INSR: variants seen among roughly 807,000 people sequenced by gnomAD.
INSR encodes the protein insulin receptor, also known as IR.
Under a neutral mutation model 142.6 loss-of-function variants are expected in INSR, and 67 were observed. The ratio of observed to expected loss-of-function variants is 0.47; its 90% CI spans 0.39 to 0.58. INSR has a LOEUF of 0.58. Among genes scored for constraint, INSR ranks in the 20% least tolerant of loss-of-function variants. The probability of loss-of-function intolerance (pLI) is 0.00; values close to 1 mark genes in which losing one functional copy is unlikely to be tolerated. For synonymous variants in INSR, 756 were observed against 743.1 expected (o/e 1.02, Z -0.28); for missense variants, 1,248 against 1,833.2 (o/e 0.68, Z 5.83).
In INSR at chr19:7,293,863, G is replaced by A. The variant is rs1183440326; in HGVS notation, c.29C>T (p.Ala10Val). 2 of 1,239,700 alleles carry A rather than the reference G, an allele frequency of 1.6e-6. No homozygotes were observed. Among genetic ancestry groups the A allele is most frequent in the Non-Finnish European group, 2.0e-6 (2 of 997,976 alleles). 76.8% of individuals were successfully genotyped at this position (1,239,700 alleles called of 1,614,324 possible). A position where few individuals can be genotyped will look rare whatever the true frequency, so the allele number is the denominator to read the frequency against. MATGGRRGA[A>V]AAPLLVAVAA... is the part of the protein sequence containing the mutation. ...CACCGCCACCAGCAGCGGCGCGGCC[G>A]CCGCCCCCCGCCGGCCCCCGGTGGC... The change falls in exon 1 of 22, where the codon GCG (alanine) becomes GTG (valine). Residue 10 changes from alanine to valine, a missense_variant. By Grantham distance (64) the Ala-to-Val change is moderately conservative. Transcript: ENST00000302850.
intron 2 of INSR, among the ~76,000 whole-genome samples, chr19:7,256,317 T>C (rs1976890167): frequency 6.6e-6 from 1 of 151,764 alleles, no homozygotes; most frequent in South Asian, 2.1e-4. Context: ...GGTGTGGTGG[T>C]GGGCGCCTGT....
chr19:7,148,671 T>C (rs1418105284), intron 11 of INSR, among the ~76,000 whole-genome samples: 1 of 148,434 alleles, frequency 6.7e-6, no homozygotes, highest in Non-Finnish European at 1.5e-5. Flanking sequence ...AGTAACGGGG[T>C]TTCACCATCT....
At chr19:7,224,815 T>G (rs1975730690) in intron 2 of INSR, among the ~76,000 whole-genome samples, 1 of 151,228 alleles carries the variant, frequency 6.6e-6, no homozygotes, top group African/African-American at 2.4e-5. Flanking sequence ...AGGGCCCTTT[T>G]CACAGAGACC....
chr19:7,280,628 A>T (rs921011151), intron 1 of INSR, among the ~76,000 whole-genome samples: 3 of 151,998 alleles, frequency 2.0e-5, no homozygotes, highest in African/African-American at 7.2e-5. Flanking sequence ...GAGGCAGGAG[A>T]ATCGCCTGAA....
At chr19:7,196,069 G>C (rs1974740564) in intron 2 of INSR, among the ~76,000 whole-genome samples, 1 of 152,012 alleles carries the variant, frequency 6.6e-6, no homozygotes, top group African/African-American at 2.4e-5. Context: ...CCGAGTAGCT[G>C]GGATTACAGG....
chr19:7,281,652 G>C (rs774511930), intron 1 of INSR, among the ~76,000 whole-genome samples: 6 of 152,136 alleles, frequency 3.9e-5, no homozygotes, highest in African/African-American at 7.2e-5. Flanking sequence ...CCGCACTCCA[G>C]CCGGGATGAC....
chr19:7,132,262 A>G lies in INSR; in HGVS notation c.2738T>C (p.Leu913Pro). 6.2e-7 allele frequency: 1 copy of G among 1,614,208 alleles called. No individual in the cohort carries two copies. The highest frequency in any genetic ancestry group is 8.5e-7 in the Non-Finnish European group (1 of 1,180,036). Residue 913 changes from leucine to proline, a missense_variant, in exon 14 of 22, where the codon CTG becomes CCG. Leu to Pro is a moderately conservative substitution (Grantham distance 98). Around this residue, in one of 3 missense-constraint regions of INSR, gnomAD observed 1,069 missense variants for 1,654.0 expected, o/e 0.65. Transcript: ENST00000302850. ...GTAGTTCCCCGGTGACAGCCCACGC[A>G]GCCTGCAGCCCCGTTCCAGAGCGAA... Reference protein sequence around the residue: ...KHFALERGCRLRGLSPGNYSV... With the variant: ...KHFALERGCRPRGLSPGNYSV...
chr19:7,122,427 A>G, intron 19 of INSR, 187 bp downstream of exon 19: 3 of 625,376 alleles, frequency 4.8e-6, no homozygotes. Flanking sequence ...TGGGCAACAG[A>G]CAGAGTAAGA....
rs138733954 is a variant in INSR, at chr19:7,270,317, T to C, written c.101-2421A>G. 1.4e-3 allele frequency among the ~76,000 whole-genome samples: 123 copies of C among 89,512 alleles called. 1 individual carries two copies. The East Asian group carries it at 0.065, about 47-fold the overall frequency. The allele number at this position is 89,512 out of a possible 152,430, so 58.7% of individuals were successfully genotyped here. A position where few individuals can be genotyped will look rare whatever the true frequency, so the allele number is the denominator to read the frequency against. ...CCTGAGTCCCACACTATATTTCATTTCTCTCTCTCTCTCTCTCTCTCTCAC... is the reference window on the plus strand; with the variant it reads ...CCTGAGTCCCACACTATATTTCATTCCTCTCTCTCTCTCTCTCTCTCTCAC... On this transcript the variant is annotated intron_variant, in intron 1 of 21. Coordinates refer to ENST00000302850, the MANE Select transcript of INSR (RefSeq NM_000208.4).
At chr19:7,188,542 T>A (rs919870181) in intron 2 of INSR, among the ~76,000 whole-genome samples, 1 of 74,446 alleles carries the variant, frequency 1.3e-5, no homozygotes, top group Non-Finnish European at 2.7e-5. Context: ...AGAGTGAGAC[T>A]CCGTCCAAAA....
chr19:7,147,364 G>A (rs1174530120), intron 11 of INSR, among the ~76,000 whole-genome samples: 3 of 151,992 alleles, frequency 2.0e-5, no homozygotes, highest in East Asian at 3.9e-4. Context: ...TAGTAGAGAA[G>A]GGGTTTCACC....
intron 1 of INSR, among the ~76,000 whole-genome samples, chr19:7,282,680 A>AAAT (rs929195129): frequency 6.8e-6 from 1 of 147,194 alleles, no homozygotes; most frequent in Non-Finnish European, 1.5e-5. Context: ...AGACTGCTCA[A>AAAT]AATAATAATA....
At chr19:7,235,101 G>C (rs1264185434) in intron 2 of INSR, among the ~76,000 whole-genome samples, 1 of 151,826 alleles carries the variant, frequency 6.6e-6, no homozygotes, top group Non-Finnish European at 1.5e-5. Context: ...AAAAATTTCT[G>C]GAAATAGACT....
intron 2 of INSR, among the ~76,000 whole-genome samples, chr19:7,201,640 A>G (rs1974956373): frequency 6.7e-6 from 1 of 150,278 alleles, no homozygotes; most frequent in African/African-American, 2.5e-5. Context: ...ATCAATCAAT[A>G]ATAAATAAAT....
At position 7,256,931 on chromosome 19, in the gene INSR, C is replaced by CTT. The variant is rs772500676; in HGVS notation, c.652+10412_652+10413dup. ...ATTCACGTTACATGCTCTACCCTAC[C>CTT]TTTTTTTTTTTTTTTTTTTTTCTTT... On this transcript the variant is annotated intron_variant, in intron 2 of 21. Transcript: ENST00000302850. 4.2e-4 allele frequency among the ~76,000 whole-genome samples: 46 copies of CTT among 109,480 alleles called. 3 individuals carry two copies. Among genetic ancestry groups the CTT allele is most frequent in the African/African-American group, 5.9e-4 (17 of 28,824 alleles). 71.8% of individuals were successfully genotyped at this position (109,480 alleles called of 152,430 possible).
chr19:7,229,839 C>T (rs117190124), intron 2 of INSR, among the ~76,000 whole-genome samples: 4,713 of 146,730 alleles, frequency 0.032, 99 homozygotes, highest in Middle Eastern at 0.1. Context: ...AGTCATGGCT[C>T]ACTGCAGCCT....
chr19:7,250,367 G>A lies in INSR; in HGVS notation c.652+16978C>T, dbSNP rs893348090. The stretch of plus-strand genomic sequence containing the variant: ...GAGGAGGGAGAAAGGGAAAGAGGAA[G>A]GAGGAGGGAGAGAGGAAGGGAGAGA... On this transcript the variant is annotated intron_variant, in intron 2 of 21. Transcript: ENST00000302850. 3.6e-5 allele frequency among the ~76,000 whole-genome samples: 5 copies of A among 138,466 alleles called. No individual in the cohort carries two copies. The South Asian group carries it at 9.3e-4, about 26-fold the overall frequency. The allele number at this position is 138,466 out of a possible 152,430, so 90.8% of individuals were successfully genotyped here.
At chr19:7,250,099 CTGTTAGCTA>C (rs1976664500) in intron 2 of INSR, among the ~76,000 whole-genome samples, 1 of 151,584 alleles carries the variant, frequency 6.6e-6, no homozygotes, top group Non-Finnish European at 1.5e-5. Context: ...TTCCAGACTG[CTGTTAGCTA>C]TGATCATGCT....
At chr19:7,181,544 C>T (rs1340689757) in intron 3 of INSR, among the ~76,000 whole-genome samples, 1 of 150,134 alleles carries the variant, frequency 6.7e-6, no homozygotes, top group Non-Finnish European at 1.5e-5. Context: ...TTTGGAACGA[C>T]AGTAGATGGT....
Sources: allele counts gnomAD v4.1 joint callset (sites outside exome capture counted in the v4.1 genomes callset), GRCh38; gene constraint gnomAD v4.1.1; regional missense constraint gnomAD v4.1.1; transcripts MANE v1.5; gene names NCBI Gene and HGNC (gene_info 2026-07-23, HGNC 2026-07-21).